Variants in NOSTRIN observed in about 807,000 individuals in gnomAD.
NOSTRIN encodes the protein nitric oxide synthase trafficking.
In NOSTRIN, 63 loss-of-function variants were observed where a neutral mutation model predicts 59.0. That is an observed-to-expected ratio of 1.07 (90% CI 0.87 to 1.32). The LOEUF is 1.32. Among genes scored for constraint, NOSTRIN ranks in the 40% most tolerant of loss-of-function variants. The pLI, the probability that NOSTRIN is intolerant of heterozygous loss-of-function variation, is 0.00. For synonymous variants in NOSTRIN, 200 were observed against 165.4 expected (o/e 1.21, Z -1.61); for missense variants, 512 against 473.1 (o/e 1.08, Z -0.76).
intron 8 of NOSTRIN, among the ~76,000 whole-genome samples, chr2:168,845,127 C>T (rs2105728788): frequency 6.6e-6 from 1 of 152,200 alleles, no homozygotes; most frequent in East Asian, 1.9e-4. Flanking sequence ...ACATAAGCTC[C>T]GGGTACTCTC....
At chr2:168,808,746 A>G (rs1242453939) in intron 1 of NOSTRIN, among the ~76,000 whole-genome samples, 1 of 152,258 alleles carries the variant, frequency 6.6e-6, no homozygotes, top group Non-Finnish European at 1.5e-5. Flanking sequence ...CCTTGGATAG[A>G]AAGTCTAAAC....
At chr2:168,797,079 C>CTTTTCTTTTTTTTTTTTTTT (rs1553519713), upstream of NOSTRIN, among the ~76,000 whole-genome samples, 5 of 75,054 alleles carry the variant, frequency 6.7e-5, 1 homozygote, top group South Asian at 1.3e-3. Context: ...TTTCTTTTTT[C>CTTTTCTTTTTTTTTTTTTTT]TTTTTTTTTT....
intron 10 of NOSTRIN, 107 bp from the exon 11 acceptor site, chr2:168,855,245 T>G (rs1055623762): frequency 1.8e-6 from 1 of 545,912 alleles, no homozygotes; most frequent in Non-Finnish European, 3.1e-6. Flanking sequence ...TTTTGTTTTA[T>G]TTTATAAAGT....
chr2:168,842,184 G>A (rs1688147123), intron 7 of NOSTRIN, among the ~76,000 whole-genome samples: 1 of 152,212 alleles, frequency 6.6e-6, no homozygotes, highest in South Asian at 2.1e-4. Flanking sequence ...CCTTCTTTGG[G>A]GAAGAGGGAT....
chr2:168,802,630 G>C, upstream of NOSTRIN: 1 of 867,942 alleles, frequency 1.2e-6, no homozygotes, highest in Non-Finnish European at 2.0e-6. Flanking sequence ...AAGGACAAAA[G>C]CCAGACACAT....
At chr2:168,825,087 A>G (rs1304961076) in intron 3 of NOSTRIN, among the ~76,000 whole-genome samples, 2 of 152,188 alleles carry the variant, frequency 1.3e-5, no homozygotes, top group African/African-American at 4.8e-5. Flanking sequence ...GTAAAAAGTG[A>G]CATGTTCCAT....
intron 2 of NOSTRIN, among the ~76,000 whole-genome samples, chr2:168,816,964 G>A (rs932782746): frequency 6.6e-6 from 1 of 152,092 alleles, no homozygotes; most frequent in African/African-American, 2.4e-5. Flanking sequence ...AACATTTACT[G>A]GCATAATATG....
intron 15 of NOSTRIN, 25 bp from the exon 16 acceptor site, chr2:168,864,809 C>T: frequency 1.2e-6 from 2 of 1,612,982 alleles, no homozygotes; most frequent in Non-Finnish European, 1.7e-6. Context: ...CACAGAGACC[C>T]ATTTGTCTAA....
Position 168,864,988 on chromosome 2 carries a change from A to C in NOSTRIN, c.*18A>C, listed in dbSNP as rs745407796. ...AGGCATAAAACAAGACTCTGAACAT[A>C]CTACCTTCACACTCGGTAATCAACA... On this transcript the variant is annotated 3_prime_UTR_variant, in exon 16 of 16. Transcript: ENST00000317647. 53 of 1,613,066 alleles carry C rather than the reference A, an allele frequency of 3.3e-5. No homozygotes were observed. The highest frequency in any genetic ancestry group is 4.2e-5 in the Non-Finnish European group (49 of 1,179,660).
intron 2 of NOSTRIN, among the ~76,000 whole-genome samples, chr2:168,820,913 T>G (rs1265336733): frequency 6.6e-6 from 1 of 152,178 alleles, no homozygotes; most frequent in African/African-American, 2.4e-5. Context: ...ATTCTGAAAG[T>G]AGAATTGAAT....
upstream of NOSTRIN, among the ~76,000 whole-genome samples, chr2:168,800,773 T>C (rs1685589345): frequency 6.6e-6 from 1 of 152,044 alleles, no homozygotes; most frequent in Non-Finnish European, 1.5e-5. Context: ...AGAGAAAACA[T>C]TGAGCTGTCC....
intron 7 of NOSTRIN, among the ~76,000 whole-genome samples, 186 bp downstream of exon 7, chr2:168,834,511 A>ACACACGCGCG (rs1553527234): frequency 2.3e-5 from 3 of 129,394 alleles, no homozygotes; most frequent in East Asian, 2.7e-4. Flanking sequence ...GCGCGCGCAC[A>ACACACGCGCG]CACACACACA....
upstream of NOSTRIN, among the ~76,000 whole-genome samples, chr2:168,796,948 T>C (rs1274010758): frequency 6.6e-6 from 1 of 152,214 alleles, no homozygotes; most frequent in Non-Finnish European, 1.5e-5. Context: ...TTTAATTCAA[T>C]CAAATGAAAG....
intron 1 of NOSTRIN, among the ~76,000 whole-genome samples, chr2:168,811,007 G>A (rs1434339734): frequency 3.9e-5 from 6 of 152,092 alleles, no homozygotes; most frequent in Non-Finnish European, 7.4e-5. Context: ...TAACAGTTTG[G>A]TTTAACCAAA....
intron 8 of NOSTRIN, among the ~76,000 whole-genome samples, chr2:168,849,544 C>A (rs1251125137): frequency 6.6e-6 from 1 of 150,878 alleles, no homozygotes; most frequent in East Asian, 2.0e-4. Flanking sequence ...TTAGTAGAGA[C>A]GGGGTTTTGC....
At chr2:168,856,664 G>C in intron 11 of NOSTRIN, 26 bp from the exon 12 acceptor site, 2 of 1,606,820 alleles carry the variant, frequency 1.2e-6, no homozygotes, top group Middle Eastern at 1.7e-4. Context: ...TGTGAAAGGT[G>C]ACTGAGAACA....
chr2:168,800,580 C>A (rs754093960), upstream of NOSTRIN, among the ~76,000 whole-genome samples: 4 of 152,112 alleles, frequency 2.6e-5, no homozygotes, highest in Non-Finnish European at 5.9e-5. Context: ...GGGAATGGCA[C>A]ACATGAGGAG....
At chr2:168,804,582 A>G (rs1477165947) in intron 1 of NOSTRIN, among the ~76,000 whole-genome samples, 1 of 152,172 alleles carries the variant, frequency 6.6e-6, no homozygotes, top group Admixed American at 6.5e-5. Context: ...GCCTCATGAA[A>G]CATTTAGGTA....
chr2:168,798,003 T>G (rs1685529764), upstream of NOSTRIN: 1 of 152,218 alleles, frequency 6.6e-6, no homozygotes, highest in African/African-American at 2.4e-5. Context: ...AGTGTCATAT[T>G]TGCATATAAC....
Sources: allele counts gnomAD v4.1 joint callset (sites outside exome capture counted in the v4.1 genomes callset), GRCh38; gene constraint gnomAD v4.1.1; transcripts MANE v1.5; gene names NCBI Gene and HGNC (gene_info 2026-07-23, HGNC 2026-07-21).